Variants in SORCS1 observed in about 807,000 individuals in gnomAD.
The protein encoded by SORCS1 is VPS10 domain-containing receptor SorCS1.
A neutral mutation model predicts 146.1 loss-of-function variants in SORCS1; 60 were observed. The observed-to-expected ratio is 0.41, with a 90% confidence interval of 0.33 to 0.51. SORCS1 has a LOEUF of 0.51. SORCS1 is among the 20% of genes least tolerant of loss of function. The pLI, the probability that SORCS1 is intolerant of heterozygous loss-of-function variation, is 0.21. For missense variants in SORCS1, 1,352 were observed against 1,487.6 expected (o/e 0.91, Z 1.50); for synonymous variants, 637 against 584.0 (o/e 1.09, Z -1.31).
intron 5 of SORCS1, among the ~76,000 whole-genome samples, chr10:106,759,003 T>C (rs1300378017): frequency 6.6e-6 from 1 of 152,220 alleles, no homozygotes; most frequent in African/African-American, 2.4e-5. Context: ...TGTTTGCAAA[T>C]AGCTTGTCTA....
At chr10:106,659,150 T>G (rs1218199985) in intron 17 of SORCS1, among the ~76,000 whole-genome samples, 4 of 152,222 alleles carry the variant, frequency 2.6e-5, no homozygotes, top group Non-Finnish European at 4.4e-5. Context: ...TAAGCAGGCT[T>G]TCCAAGTTTC....
intron 2 of SORCS1, among the ~76,000 whole-genome samples, chr10:106,859,685 C>T (rs1392200954): frequency 2.0e-5 from 3 of 152,078 alleles, no homozygotes; most frequent in South Asian, 4.2e-4. Context: ...GAGTCACTAC[C>T]GGCCAATATC....
At chr10:106,744,357 G>A (rs1284736495) in intron 5 of SORCS1, among the ~76,000 whole-genome samples, 1 of 152,010 alleles carries the variant, frequency 6.6e-6, no homozygotes, top group African/African-American at 2.4e-5. Context: ...CGCCCACCTC[G>A]GCCTCTCAAA....
At chr10:107,031,077 G>C (rs1205580803) in intron 1 of SORCS1, among the ~76,000 whole-genome samples, 1 of 152,162 alleles carries the variant, frequency 6.6e-6, no homozygotes, top group East Asian at 1.9e-4. Flanking sequence ...GGACAGCTCA[G>C]CCTATGTGGA....
chr10:107,121,483 T>C (rs1565071915), intron 1 of SORCS1, among the ~76,000 whole-genome samples: 1 of 152,190 alleles, frequency 6.6e-6, no homozygotes, highest in Non-Finnish European at 1.5e-5. Flanking sequence ...AGCTTTTAAG[T>C]TGTTTAAAGG....
intron 1 of SORCS1, among the ~76,000 whole-genome samples, chr10:106,994,022 C>G (rs1956883518): frequency 7.6e-6 from 1 of 131,940 alleles, no homozygotes; most frequent in Non-Finnish European, 1.5e-5. Flanking sequence ...GGTTGTGCCA[C>G]TGCAGCACTC....
At chr10:106,929,965 G>A (rs1953310691) in intron 2 of SORCS1, among the ~76,000 whole-genome samples, 1 of 152,234 alleles carries the variant, frequency 6.6e-6, no homozygotes, top group South Asian at 2.1e-4. Context: ...AATTAATGAT[G>A]GCCGGGCGCA....
rs929106192 is a variant in SORCS1, at chr10:106,600,406, T to C, written c.3166-2956A>G. The stretch of plus-strand genomic sequence containing the variant: ...GAACACATGCTTTGTGAGAAAAAAT[T>C]TGCATAAGAAAACAAAACTAAATAA... On this transcript the variant is annotated intron_variant, in intron 23 of 25. Coordinates refer to ENST00000263054, the MANE Select transcript of SORCS1 (RefSeq NM_052918.5). 4 of 980,270 alleles carry C rather than the reference T, an allele frequency of 4.1e-6. No individual in the cohort carries two copies. In the African/African-American group the frequency reaches 7.0e-5, roughly 17 times the overall value. 60.7% of individuals were successfully genotyped at this position (980,270 alleles called of 1,614,324 possible).
intron 15 of SORCS1, among the ~76,000 whole-genome samples, chr10:106,671,652 G>A (rs559060808): frequency 7.9e-4 from 121 of 152,300 alleles, no homozygotes; most frequent in African/African-American, 2.8e-3. Context: ...TGCTATGAAG[G>A]ACACACAGAC....
At chr10:107,031,642 C>T (rs1446251535) in intron 1 of SORCS1, among the ~76,000 whole-genome samples, 1 of 151,046 alleles carries the variant, frequency 6.6e-6, no homozygotes, top group Non-Finnish European at 1.5e-5. Flanking sequence ...CTCACTTTGT[C>T]ACCCAGGCTG....
intron 2 of SORCS1, among the ~76,000 whole-genome samples, chr10:106,898,983 T>C (rs1393751361): frequency 2.6e-5 from 4 of 152,196 alleles, no homozygotes; most frequent in African/African-American, 4.8e-5. Context: ...TATAGATTAA[T>C]TGATTTTAGA....
intron 1 of SORCS1, among the ~76,000 whole-genome samples, chr10:107,103,022 C>T (rs1965045203): frequency 6.6e-6 from 1 of 152,100 alleles, no homozygotes; most frequent in African/African-American, 2.4e-5. Context: ...TTCGTTCTAC[C>T]CCCATACCTT....
intron 1 of SORCS1, among the ~76,000 whole-genome samples, chr10:107,159,856 CTG>C (rs998743283): frequency 4.6e-5 from 7 of 151,082 alleles, no homozygotes; most frequent in Non-Finnish European, 1.0e-4. Flanking sequence ...AAAAAAAAAA[CTG>C]TATCAAAATG....
intron 1 of SORCS1, among the ~76,000 whole-genome samples, chr10:107,120,763 C>T (rs607523): frequency 0.11 from 16,025 of 152,134 alleles, 1,757 homozygotes; most frequent in East Asian, 0.35. Flanking sequence ...ACTGAAAATG[C>T]GGAAAGCAGG....
intron 2 of SORCS1, among the ~76,000 whole-genome samples, chr10:106,869,042 A>T (rs1160040304): frequency 6.6e-6 from 1 of 152,216 alleles, no homozygotes; most frequent in Non-Finnish European, 1.5e-5. Context: ...AAAAATAACC[A>T]TCAGAAACTA....
intron 2 of SORCS1, among the ~76,000 whole-genome samples, chr10:106,883,705 G>A (rs572837845): frequency 3.3e-5 from 5 of 152,292 alleles, no homozygotes; most frequent in South Asian, 2.1e-4. Context: ...GAGCCACCAC[G>A]CCCGGCCTTC....
Position 106,597,368 on chromosome 10 carries a change from G to A in SORCS1, c.3248C>T (p.Ala1083Val). ...ACACTGACCCGCTGTTAAGTGAGCA[G>A]CATGGACAAGGACTCGGACTCCTGG... is the stretch of plus-strand genomic sequence containing the variant. ...LKPGVRVLVH[A>V]AHLTAAPLVD... The change falls in exon 24 of 26, where the codon GCT becomes GTT. Residue 1083 changes from alanine to valine, a missense_variant. Physicochemically the swap from Ala to Val is moderately conservative, Grantham distance 64. This residue lies in a region of SORCS1 where 214 missense variants were observed against 204.8 expected (regional missense o/e 1.05). Transcript: ENST00000263054. 2 of 1,613,948 alleles carry A rather than the reference G, an allele frequency of 1.2e-6. No individual in the cohort carries two copies. The highest frequency in any genetic ancestry group is 1.7e-6 in the Non-Finnish European group (2 of 1,179,862).
chr10:107,052,989 A>G (rs1489030808), intron 1 of SORCS1, among the ~76,000 whole-genome samples: 4 of 152,170 alleles, frequency 2.6e-5, no homozygotes, highest in Non-Finnish European at 5.9e-5. Flanking sequence ...TAAGGATGTA[A>G]TCCACACAAA....
chr10:106,610,871 G>C (rs1243690914), intron 22 of SORCS1, among the ~76,000 whole-genome samples: 1 of 152,174 alleles, frequency 6.6e-6, no homozygotes, highest in Non-Finnish European at 1.5e-5. Context: ...TTGAGGTCAG[G>C]AGTTCGAGAC....
Sources: gnomAD v4.1 joint callset for allele counts (sites outside exome capture counted in the v4.1 genomes callset) on GRCh38, gnomAD v4.1.1 for gene constraint, gnomAD v4.1.1 regional missense constraint, MANE v1.5 for transcripts, NCBI Gene and HGNC (gene_info 2026-07-23, HGNC 2026-07-21) for gene names.